Variants in ROR1 observed in about 807,000 individuals in gnomAD.
ROR1 encodes the protein inactive tyrosine-protein kinase transmembrane receptor ROR1.
ROR1 carries 19 observed loss-of-function variants against 78.8 expected under a neutral mutation model. That is an observed-to-expected ratio of 0.24 (90% CI 0.17 to 0.35). The LOEUF is 0.35. ROR1 is among the 10% of genes least tolerant of loss of function. ROR1 has a pLI of 1.00. For synonymous variants in ROR1, 386 were observed against 433.6 expected, an observed-to-expected ratio of 0.89 and a Z score of 1.36; for missense variants, 917 against 1,177.8, an observed-to-expected ratio of 0.78 and a Z score of 3.24.
intron 1 of ROR1, among the ~76,000 whole-genome samples, chr1:63,942,613 G>A (rs915570945): frequency 2.6e-5 from 4 of 152,038 alleles, no homozygotes; most frequent in African/African-American, 9.7e-5. Flanking sequence ...AGAAAAAGGC[G>A]GTTCCTTTTA....
intron 4 of ROR1, among the ~76,000 whole-genome samples, chr1:64,053,908 T>C (rs705536): frequency 0.031 from 4,711 of 151,716 alleles, 99 homozygotes; most frequent in Non-Finnish European, 0.047. Flanking sequence ...ATTCTATTGA[T>C]AACATCGCTA....
intron 1 of ROR1, among the ~76,000 whole-genome samples, chr1:63,846,290 A>G (rs2100323180): frequency 6.6e-6 from 1 of 152,162 alleles, no homozygotes; most frequent in South Asian, 2.1e-4. Flanking sequence ...TATTAACTCA[A>G]TGCACCTTTT....
intron 1 of ROR1, among the ~76,000 whole-genome samples, chr1:63,901,014 G>T (rs1645481110): frequency 6.6e-6 from 1 of 152,116 alleles, no homozygotes; most frequent in African/African-American, 2.4e-5. Flanking sequence ...GGATGCTGAG[G>T]CCCAGAGGGG....
intron 1 of ROR1, among the ~76,000 whole-genome samples, chr1:63,815,677 T>C (rs889929945): frequency 6.6e-6 from 1 of 152,170 alleles, no homozygotes; most frequent in Non-Finnish European, 1.5e-5. Context: ...ATTTCAGGGC[T>C]ATCTCCTGTG....
chr1:63,928,026 C>T (rs1036279939), intron 1 of ROR1, among the ~76,000 whole-genome samples: 23 of 151,080 alleles, frequency 1.5e-4, no homozygotes, highest in African/African-American at 5.4e-4. Context: ...GGTTTTGAAC[C>T]GTGAGGCTGC....
At position 64,047,582 on chromosome 1, in the gene ROR1, A is replaced by C. The variant is rs143102016; in HGVS notation, c.164-2109A>C. 1.7e-4 allele frequency among the ~76,000 whole-genome samples: 26 copies of C among 152,250 alleles called. No individual in the cohort carries two copies. In the East Asian group the frequency reaches 4.6e-3, roughly 27 times the overall value. On this transcript the variant is annotated intron_variant, in intron 2 of 8. Coordinates refer to ENST00000371079, the MANE Select transcript of ROR1 (RefSeq NM_005012.4). ...GCATTGTTATGTGATTGCTATCTCTAAGTTTCTCTCCACAAAGGGTACATA... is the reference window on the plus strand; with the variant it reads ...GCATTGTTATGTGATTGCTATCTCTCAGTTTCTCTCCACAAAGGGTACATA...
chr1:64,013,124 C>T (rs1646491024), intron 2 of ROR1, among the ~76,000 whole-genome samples: 1 of 152,158 alleles, frequency 6.6e-6, no homozygotes, highest in South Asian at 2.1e-4. Context: ...TGAAAATTCA[C>T]CTGGCCAGCA....
At chr1:63,860,586 C>CAT (rs1645173781) in intron 1 of ROR1, among the ~76,000 whole-genome samples, 1 of 145,118 alleles carries the variant, frequency 6.9e-6, no homozygotes, top group South Asian at 2.3e-4. Flanking sequence ...CACACACACA[C>CAT]ACACACACAC....
intron 2 of ROR1, among the ~76,000 whole-genome samples, chr1:64,020,260 C>T (rs1173782838): frequency 6.6e-6 from 1 of 152,204 alleles, no homozygotes; most frequent in Non-Finnish European, 1.5e-5. Context: ...CGTCACAAAG[C>T]AGTGAACCCA....
chr1:63,790,816 C>T (rs1013072811), intron 1 of ROR1, among the ~76,000 whole-genome samples: 2 of 152,154 alleles, frequency 1.3e-5, no homozygotes, highest in African/African-American at 4.8e-5. Context: ...CTGGGGAGCT[C>T]TTCCTCTCTC....
intron 1 of ROR1, among the ~76,000 whole-genome samples, chr1:63,996,176 A>G (rs1570033010): frequency 6.6e-6 from 1 of 152,162 alleles, no homozygotes; most frequent in African/African-American, 2.4e-5. Context: ...GAAGCATACA[A>G]TCTTATTAAA....
chr1:63,796,474 T>A (rs1055518625), intron 1 of ROR1, among the ~76,000 whole-genome samples: 10 of 152,226 alleles, frequency 6.6e-5, no homozygotes, highest in Admixed American at 5.2e-4. Flanking sequence ...TAAAGAACCA[T>A]GGCTTTAAAG....
At chr1:64,152,897 G>A (rs1182365939) in intron 7 of ROR1, among the ~76,000 whole-genome samples, 1 of 152,090 alleles carries the variant, frequency 6.6e-6, no homozygotes, top group African/African-American at 2.4e-5. Flanking sequence ...GGCAGATGAT[G>A]AATTACAAAT....
At chr1:63,972,473 G>A (rs912475039) in intron 1 of ROR1, among the ~76,000 whole-genome samples, 4 of 152,150 alleles carry the variant, frequency 2.6e-5, no homozygotes, top group African/African-American at 9.7e-5. Flanking sequence ...TTTAGGCTCA[G>A]TAAGGTTTTT....
intron 2 of ROR1, among the ~76,000 whole-genome samples, chr1:64,028,647 T>TA (rs201176702): frequency 6.6e-6 from 1 of 152,110 alleles, no homozygotes; most frequent in African/African-American, 2.4e-5. Context: ...TAAGAGGACT[T>TA]AAAAAAAATT....
intron 2 of ROR1, among the ~76,000 whole-genome samples, chr1:64,042,250 C>A (rs1031847200): frequency 6.6e-6 from 1 of 152,144 alleles, no homozygotes; most frequent in Non-Finnish European, 1.5e-5. Context: ...AAATTAGAAT[C>A]TCTAAGGGTG....
At chr1:64,071,988 T>G (rs964361857) in intron 4 of ROR1, among the ~76,000 whole-genome samples, 3 of 152,174 alleles carry the variant, frequency 2.0e-5, no homozygotes, top group African/African-American at 7.2e-5. Context: ...TACACTATGT[T>G]GTGGTCCATG....
intron 1 of ROR1, among the ~76,000 whole-genome samples, chr1:63,878,772 T>C (rs1250535130): frequency 2.0e-5 from 3 of 152,154 alleles, no homozygotes; most frequent in Non-Finnish European, 4.4e-5. Flanking sequence ...TTATAAGTAC[T>C]GTGAGGCCTT....
intron 1 of ROR1, among the ~76,000 whole-genome samples, chr1:63,867,383 G>A (rs1433407959): frequency 4.6e-5 from 7 of 152,000 alleles, no homozygotes; most frequent in African/African-American, 1.7e-4. Context: ...TCCTGTCTAC[G>A]AGATGGTGGA....
Sources: gnomAD v4.1 joint callset for allele counts (sites outside exome capture counted in the v4.1 genomes callset) on GRCh38, gnomAD v4.1.1 for gene constraint, MANE v1.5 for transcripts, NCBI Gene and HGNC (gene_info 2026-07-23, HGNC 2026-07-21) for gene names.